Variants in NR4A1 observed in about 807,000 individuals in gnomAD.
NR4A1 encodes nuclear receptor subfamily 4 group A member 1.
In NR4A1, 24 loss-of-function variants were observed where a neutral mutation model predicts 47.5. The ratio of observed to expected loss-of-function variants is 0.50; its 90% confidence interval spans 0.37 to 0.71. The LOEUF (loss-of-function observed/expected upper bound fraction) is 0.71, where lower values mean the gene tolerates loss of function less well. Ranked by LOEUF, NR4A1 falls within the 30% of genes least tolerant of loss-of-function variation. The pLI is 0.00. For missense variants in NR4A1, 669 were observed against 788.6 expected (o/e 0.85, Z 1.82); for synonymous variants, 353 against 345.7 (o/e 1.02, Z -0.24).
chr12:52,048,132 C>T (rs1406545705), upstream of NR4A1, among the ~76,000 whole-genome samples: 15 of 150,468 alleles, frequency 1.0e-4, no homozygotes, highest in Non-Finnish European at 1.5e-4. Context: ...CTAGCCTGGG[C>T]GACAGCACCA....
rs149414663 is a variant in NR4A1, at chr12:52,029,594, G to C, written c.-84+6655G>C. On this transcript the variant is annotated intron_variant, in intron 1 of 7. Transcript: ENST00000360284. The stretch of plus-strand genomic sequence containing the variant: ...TCCCAGCTACTTGGGAGGCAAAAGT[G>C]GGAGGATCACTTGAGCCAGGGAGGC... 9.4e-3 allele frequency among the ~76,000 whole-genome samples: 1,429 copies of C among 152,256 alleles called. 18 individuals are homozygous for C. Among genetic ancestry groups the C allele is most frequent in the African/African-American group, 0.031 (1,279 of 41,544 alleles).
chr12:52,041,792 T>C, intron 1 of NR4A1: 2 of 1,325,012 alleles, frequency 1.5e-6, no homozygotes, highest in Non-Finnish European at 1.9e-6. Flanking sequence ...TTCACTCACA[T>C]CGACTCTCCC....
At chr12:52,043,786 A>G in intron 2 of NR4A1, 1 of 1,287,748 alleles carries the variant, frequency 7.8e-7, no homozygotes, top group Non-Finnish European at 1.0e-6. Context: ...GCTGGGCAGC[A>G]CGTCTCTCCC....
At chr12:52,024,298 C>CT (rs1169589970) in intron 1 of NR4A1, among the ~76,000 whole-genome samples, 1 of 152,210 alleles carries the variant, frequency 6.6e-6, no homozygotes, top group African/African-American at 2.4e-5. Flanking sequence ...TGCTTTCAGC[C>CT]TTTTTTCTGA....
intron 1 of NR4A1, chr12:52,037,570 G>T (rs958703743): frequency 6.9e-5 from 68 of 983,766 alleles, no homozygotes; most frequent in Non-Finnish European, 7.7e-5. Flanking sequence ...GGGAGTCGGG[G>T]GGGGGACTGG....
At position 52,043,664 on chromosome 12, in the gene NR4A1, G is replaced by A. The variant is rs192756602; in HGVS notation, c.37+1735G>A. On this transcript the variant is annotated intron_variant, in intron 2 of 7. Transcript: ENST00000360284. ...CAAAGTGGCTCCCCCCATCCCCAGA[G>A]GCCGGCTCTGGTTTCTGCTATATAA... is the stretch of plus-strand genomic sequence containing the variant. 10 of 1,194,482 alleles carry A rather than the reference G, an allele frequency of 8.4e-6. 1 individual carries two copies. In the Admixed American group the frequency reaches 3.5e-4, roughly 41 times the overall value. 74.0% of individuals were successfully genotyped at this position (1,194,482 alleles called of 1,614,324 possible).
At chr12:52,037,351 T>C (rs1938272784) in intron 1 of NR4A1, 4 of 984,106 alleles carry the variant, frequency 4.1e-6, no homozygotes, top group Admixed American at 6.2e-5. Context: ...CCTCCAGGCA[T>C]GGGCGCCCCT....
chr12:52,054,701 T>A lies in NR4A1; in HGVS notation c.373T>A (p.Ser125Thr), dbSNP rs779723641. 1.9e-6 allele frequency: 3 copies of A among 1,613,848 alleles called. No individual in the cohort carries two copies. In the Admixed American group the frequency reaches 5.0e-5, roughly 27 times the overall value. ...PLSGPVDEALSSSGSDYYGSP... is the reference protein window; with the variant it reads ...PLSGPVDEALTSSGSDYYGSP... ...GAGCGGCCCAGTGGATGAGGCCCTG[T>A]CCTCCAGTGGCTCTGACTACTATGG... The change falls in exon 2 of 7, where the codon TCC becomes ACC. Residue 125 changes from serine to threonine, a missense_variant. Transcript: ENST00000394825.
intron 1 of NR4A1, among the ~76,000 whole-genome samples, chr12:52,025,472 GGT>G (rs769340190): frequency 1.3e-5 from 2 of 152,106 alleles, no homozygotes; most frequent in Non-Finnish European, 1.5e-5. Context: ...CCTTTCCCCG[GGT>G]AGGGGCCTTT....
intron 6 of NR4A1, 68 bp downstream of exon 6, chr12:52,057,598 G>A: frequency 3.2e-6 from 5 of 1,576,454 alleles, no homozygotes; most frequent in Non-Finnish European, 4.3e-6. Flanking sequence ...TCTCAGGAGG[G>A]CACTGTCCCA....
At chr12:52,024,893 C>T (rs1937972092) in intron 1 of NR4A1, among the ~76,000 whole-genome samples, 1 of 152,076 alleles carries the variant, frequency 6.6e-6, no homozygotes, top group South Asian at 2.1e-4. Context: ...GGTGGTAATG[C>T]CAGGAATACC....
rs1322907632 is a variant in NR4A1, at chr12:52,059,474, A to G, written c.*530A>G. On this transcript the variant is annotated 3_prime_UTR_variant, in exon 7 of 7. Transcript: ENST00000394825. ...CTTTTCTGATTAATATATTTAATAT[A>G]TTGAATAAAAAATAGACATGTAGTT... 6.6e-6 allele frequency: 1 copy of G among 152,252 alleles called. No homozygotes were observed. Among genetic ancestry groups the G allele is most frequent in the Non-Finnish European group, 1.5e-5 (1 of 68,104 alleles). The allele number at this position is 152,252 out of a possible 1,614,324, so 9.4% of individuals were successfully genotyped here.
At chr12:52,037,642 C>T (rs1363294701) in intron 1 of NR4A1, 2 of 985,364 alleles carry the variant, frequency 2.0e-6, no homozygotes, top group Non-Finnish European at 2.4e-6. Flanking sequence ...GGCTTTCTCT[C>T]CCCAGTCCGC....
upstream of NR4A1, among the ~76,000 whole-genome samples, chr12:52,048,544 A>C (rs1454566855): frequency 3.3e-5 from 5 of 152,212 alleles, no homozygotes. Flanking sequence ...CAGTGAGCCG[A>C]GATAGTGCCA....
chr12:52,038,099 C>T (rs1196115405), intron 1 of NR4A1: 2 of 962,896 alleles, frequency 2.1e-6, no homozygotes, highest in Non-Finnish European at 2.5e-6. Context: ...GAGTCTCGCT[C>T]TGTTGCCCAG....
rs967779032 is a variant in NR4A1 at position 52,038,874 on chromosome 12, G to A, written c.-83-2936G>A. ...TTCAGGCCCTGTGCCTGGCTCAAAGGCCCAGGGACCCAGGCCCTTAGCTTC... is the reference window on the plus strand; with the variant it reads ...TTCAGGCCCTGTGCCTGGCTCAAAGACCCAGGGACCCAGGCCCTTAGCTTC... On this transcript the variant is annotated intron_variant, in intron 1 of 7. Transcript: ENST00000360284. 4.6e-6 allele frequency: 3 copies of A among 654,740 alleles called. No homozygotes were observed. The African/African-American group carries it at 5.4e-5, about 12-fold the overall frequency. The allele number at this position is 654,740 out of a possible 1,614,324, so 40.6% of individuals were successfully genotyped here. A position where few individuals can be genotyped will look rare whatever the true frequency, so the allele number is the denominator to read the frequency against.
At position 52,059,014 on chromosome 12, in the gene NR4A1, C is replaced by T; in HGVS notation, c.*70C>T. 1 of 1,524,014 alleles carries T rather than the reference C, an allele frequency of 6.6e-7. No homozygotes were observed. The highest frequency in any genetic ancestry group is 1.3e-5 in the South Asian group (1 of 79,370). The allele number at this position is 1,524,014 out of a possible 1,614,324, so 94.4% of individuals were successfully genotyped here. A position where few individuals can be genotyped will look rare whatever the true frequency, so the allele number is the denominator to read the frequency against. ...ACCCCATGTGCCTTTAGTCCACGGA[C>T]CCCCAGAGCACCCCCAAGCCTGGGC... On this transcript the variant is annotated 3_prime_UTR_variant, in exon 7 of 7. Transcript: ENST00000394825.
At chr12:52,035,738 T>C (rs1174559749) in intron 1 of NR4A1, among the ~76,000 whole-genome samples, 1 of 152,186 alleles carries the variant, frequency 6.6e-6, no homozygotes, top group African/African-American at 2.4e-5. Context: ...GGAATCATTA[T>C]GAAGAATGAG....
chr12:52,044,648 G>A (rs1015898753), intron 2 of NR4A1, among the ~76,000 whole-genome samples: 3 of 152,204 alleles, frequency 2.0e-5, no homozygotes, highest in Non-Finnish European at 4.4e-5. Context: ...CAGTCTTTCC[G>A]GCTGGGACTC....
Sources: allele counts gnomAD v4.1 joint callset (sites outside exome capture counted in the v4.1 genomes callset), GRCh38; gene constraint gnomAD v4.1.1; transcripts MANE v1.5; gene names NCBI Gene and HGNC (gene_info 2026-07-23, HGNC 2026-07-21).